Variants in ZNF131 observed in about 807,000 individuals in gnomAD.
ZNF131 encodes zinc finger and BTB domain containing 35.
ZNF131 carries 7 observed loss-of-function variants against 60.0 expected under a neutral mutation model. That is an observed-to-expected ratio of 0.12 (90% confidence interval 0.07 to 0.22). The LOEUF (loss-of-function observed/expected upper bound fraction) is 0.22. Among genes scored for constraint, ZNF131 ranks in the 10% least tolerant of loss-of-function variants. The probability of loss-of-function intolerance (pLI) is 1.00; values close to 1 mark genes in which losing one functional copy is unlikely to be tolerated. For missense variants in ZNF131, 493 were observed against 740.9 expected (o/e 0.67, Z 3.88); for synonymous variants, 257 against 253.2 (o/e 1.01, Z -0.14).
chr5:43,167,928 A>G (rs1329390484), intron 5 of ZNF131: 2 of 447,858 alleles, frequency 4.5e-6, no homozygotes, highest in East Asian at 1.4e-4. Flanking sequence ...TATTTCTTAC[A>G]GTTCTGGATG....
intron 4 of ZNF131, among the ~76,000 whole-genome samples, chr5:43,156,053 G>A (rs533021513): frequency 6.6e-6 from 1 of 152,326 alleles, no homozygotes; most frequent in Admixed American, 6.5e-5. Context: ...TGTTCTGTTA[G>A]CTTTTCTTCC....
Position 43,174,684 on chromosome 5 carries a change from G to A in ZNF131, c.1423G>A (p.Val475Ile). Residue 475 changes from valine to isoleucine, a missense_variant, in exon 7 of 7, where the codon GTT becomes ATT. Val to Ile is a conservative substitution (Grantham distance 29). Around this residue, in one of 7 missense-constraint regions of ZNF131, gnomAD observed 202 missense variants for 221.3 expected, o/e 0.91. Coordinates refer to ENST00000682664, the MANE Select transcript of ZNF131 (RefSeq NM_001330707.2). ...AACATCAATGACTATTATAGAACAAGTTGGGAAGGTGCATGTGCTACCATT... is the reference window on the plus strand; with the variant it reads ...AACATCAATGACTATTATAGAACAAATTGGGAAGGTGCATGTGCTACCATT... The part of the protein sequence containing the change: ...PVTSMTIIEQ[V>I]GKVHVLPLLQ... 3 of 1,614,212 alleles carry A rather than the reference G, an allele frequency of 1.9e-6. No individual in the cohort carries two copies. The highest frequency in any genetic ancestry group is 2.2e-5 in the South Asian group (2 of 91,090).
chr5:43,135,072 C>T (rs1391749930), intron 3 of ZNF131, among the ~76,000 whole-genome samples: 5 of 149,980 alleles, frequency 3.3e-5, no homozygotes, highest in Non-Finnish European at 5.9e-5. Context: ...AATCTCGGCT[C>T]CCCCCAACCT....
At chr5:43,142,281 G>C (rs1746949318) in intron 4 of ZNF131, among the ~76,000 whole-genome samples, 1 of 147,240 alleles carries the variant, frequency 6.8e-6, no homozygotes, top group Non-Finnish European at 1.5e-5. Flanking sequence ...GGCGGTGGTT[G>C]CAGTGAGCTG....
At chr5:43,153,013 T>C (rs1185852787) in intron 4 of ZNF131, among the ~76,000 whole-genome samples, 3 of 152,164 alleles carry the variant, frequency 2.0e-5, no homozygotes, top group African/African-American at 7.2e-5. Context: ...TCTTTTCCAG[T>C]CATCCCCTCC....
rs200482193 is a variant in ZNF131, at chr5:43,148,224, T to A, written c.371+8915T>A. 4.1e-4 allele frequency among the ~76,000 whole-genome samples: 61 copies of A among 149,100 alleles called. 1 individual carries two copies. The East Asian group carries it at 4.4e-3, about 11-fold the overall frequency. On this transcript the variant is annotated intron_variant, in intron 4 of 6. Transcript: ENST00000682664. ...CTATCTCTACAAAAAAAAAAAAAAA[T>A]TTTAACTAGCTATGTGTGGTGGCAC... is the stretch of plus-strand genomic sequence containing the variant.
chr5:43,133,560 A>G (rs524985), intron 3 of ZNF131, among the ~76,000 whole-genome samples: 10,353 of 152,254 alleles, frequency 0.068, 425 homozygotes, highest in South Asian at 0.13. Flanking sequence ...GTACTGTGAT[A>G]TGAGTGTACA....
chr5:43,160,773 T>A (rs1226789324), intron 4 of ZNF131, among the ~76,000 whole-genome samples: 4 of 143,604 alleles, frequency 2.8e-5, no homozygotes, highest in African/African-American at 5.1e-5. Flanking sequence ...AACCTCCGCC[T>A]CCTGGGTTCA....
intron 6 of ZNF131, 90 bp downstream of exon 6, chr5:43,173,538 G>A: frequency 6.8e-7 from 1 of 1,477,720 alleles, no homozygotes; most frequent in Non-Finnish European, 9.2e-7. Flanking sequence ...CTCAAGCAAA[G>A]GTATAGGGGC....
chr5:43,154,210 G>C (rs140133333), intron 4 of ZNF131, among the ~76,000 whole-genome samples: 168 of 152,236 alleles, frequency 1.1e-3, no homozygotes, highest in African/African-American at 3.8e-3. Flanking sequence ...TCAGGAGTTT[G>C]AGACCAGTCT....
intron 4 of ZNF131, among the ~76,000 whole-genome samples, chr5:43,139,984 G>A (rs939719042): frequency 7.9e-5 from 12 of 152,172 alleles, no homozygotes; most frequent in Admixed American, 6.5e-4. Context: ...GGAAGGCTGA[G>A]GTGGATGGAT....
chr5:43,157,706 C>T (rs901156097), intron 4 of ZNF131, among the ~76,000 whole-genome samples: 6 of 152,218 alleles, frequency 3.9e-5, no homozygotes, highest in Non-Finnish European at 7.3e-5. Flanking sequence ...TGTTGTTTCT[C>T]AGTTCTGAAG....
rs879039088 is a variant in ZNF131, at chr5:43,174,674, T to A, written c.1413T>A (p.Ile471=). 6.2e-7 allele frequency: 1 copy of A among 1,614,058 alleles called. No individual in the cohort carries two copies. Among genetic ancestry groups the A allele is most frequent in the South Asian group, 1.1e-5 (1 of 91,088 alleles). ...VQTEPVTSMT[I]IEQVGKVHVL... Reference sequence around the variant, plus strand: ...CTGAACCTGTAACATCAATGACTATTATAGAACAAGTTGGGAAGGTGCATG... The same window carrying A: ...CTGAACCTGTAACATCAATGACTATAATAGAACAAGTTGGGAAGGTGCATG... Residue 471 remains isoleucine (I), a synonymous_variant, in exon 7 of 7, where the codon ATT becomes ATA. Transcript: ENST00000682664.
intron 4 of ZNF131, among the ~76,000 whole-genome samples, chr5:43,156,206 G>A (rs1181069740): frequency 6.6e-6 from 1 of 152,178 alleles, no homozygotes; most frequent in African/African-American, 2.4e-5. Flanking sequence ...TTCCTGCTGT[G>A]AACCATGCCC....
chr5:43,149,272 A>AG (rs1554066988), intron 4 of ZNF131, among the ~76,000 whole-genome samples: 1 of 151,098 alleles, frequency 6.6e-6, no homozygotes, highest in South Asian at 2.1e-4. Flanking sequence ...AAAAAAAAAA[A>AG]GGCTGGGCAC....
chr5:43,135,454 A>G (rs964542817), intron 3 of ZNF131, among the ~76,000 whole-genome samples: 4 of 152,130 alleles, frequency 2.6e-5, no homozygotes, highest in Admixed American at 2.0e-4. Flanking sequence ...ACCATAAAAC[A>G]TTAAAGAAAT....
At chr5:43,171,003 G>A (rs1209686102) in intron 5 of ZNF131, among the ~76,000 whole-genome samples, 1 of 150,636 alleles carries the variant, frequency 6.6e-6, no homozygotes, top group Non-Finnish European at 1.5e-5. Context: ...GGAGTGCAAT[G>A]GCCTGTTCTC....
chr5:43,160,716 T>C (rs1749585630), intron 4 of ZNF131, among the ~76,000 whole-genome samples: 1 of 137,232 alleles, frequency 7.3e-6, no homozygotes, highest in Non-Finnish European at 1.6e-5. Flanking sequence ...AGAGTTTCGC[T>C]CTTGTCGCCC....
chr5:43,121,651 G>C (rs963892559), intron 1 of ZNF131: 1 of 156,802 alleles, frequency 6.4e-6, no homozygotes, highest in Non-Finnish European at 1.4e-5. Flanking sequence ...GTGGGTCGCG[G>C]GCCGGACCGG....
Sources: gnomAD v4.1 joint callset for allele counts (sites outside exome capture counted in the v4.1 genomes callset) on GRCh38, gnomAD v4.1.1 for gene constraint, gnomAD v4.1.1 regional missense constraint, MANE v1.5 for transcripts, NCBI Gene and HGNC (gene_info 2026-07-23, HGNC 2026-07-21) for gene names.